FTCDNL1: variants seen among roughly 807,000 people sequenced by gnomAD.
FTCDNL1 encodes the protein formiminotransferase cyclodeaminase N-terminal like.
In FTCDNL1, 11 loss-of-function variants were observed where a neutral mutation model predicts 5.9. The observed-to-expected ratio is 1.87, with a 90% CI of 1.18 to 3.10. The LOEUF (loss-of-function observed/expected upper bound fraction) is 3.10. Among genes scored for constraint, FTCDNL1 ranks in the 30% most tolerant of loss-of-function variants. The pLI, the probability that FTCDNL1 is intolerant of heterozygous loss-of-function variation, is 0.00. For synonymous variants in FTCDNL1, 58 were observed against 24.8 expected (o/e 2.34, Z -3.99); for missense variants, 115 against 65.5 (o/e 1.76, Z -2.61).
chr2:199,773,243 G>C (rs1427906064), intron 3 of FTCDNL1, among the ~76,000 whole-genome samples: 1 of 152,098 alleles, frequency 6.6e-6, no homozygotes, highest in Non-Finnish European at 1.5e-5. Context: ...CTAGCTATCA[G>C]CATATATATC....
Position 199,812,579 on chromosome 2 carries a change from G to C in FTCDNL1, c.*126C>G. 2.1e-6 allele frequency: 1 copy of C among 482,148 alleles called. No individual in the cohort carries two copies. The highest frequency in any genetic ancestry group is 3.7e-6 in the Non-Finnish European group (1 of 271,140). The allele number at this position is 482,148 out of a possible 1,614,324, so 29.9% of individuals were successfully genotyped here. ...CTAAAATTAGAAACCTGATGTGAAA[G>C]TTTGTTTCTCAGTTTGCAGTTTCGC... On this transcript the variant is annotated 3_prime_UTR_variant, in exon 5 of 5. Coordinates refer to ENST00000420128, the MANE Select transcript of FTCDNL1 (RefSeq NM_001363886.2).
the FTCDNL1 span, among the ~76,000 whole-genome samples, chr2:199,677,631 T>C: frequency 1.3e-5 from 2 of 152,142 alleles, no homozygotes; most frequent in Non-Finnish European, 2.9e-5. Context: ...AATAAGGACA[T>C]GAGTAAGACT....
At chr2:199,821,833 A>G (rs1701712708) in intron 3 of FTCDNL1, among the ~76,000 whole-genome samples, 1 of 152,176 alleles carries the variant, frequency 6.6e-6, no homozygotes, top group South Asian at 2.1e-4. Context: ...TAGATACCAT[A>G]AAGCCAAGAA....
chr2:199,697,758 A>C, the FTCDNL1 span, among the ~76,000 whole-genome samples: 1 of 152,262 alleles, frequency 6.6e-6, no homozygotes, highest in Non-Finnish European at 1.5e-5. Flanking sequence ...ACATGATGAC[A>C]GGATCAAATA....
chr2:199,814,353 G>A (rs1285241956), intron 4 of FTCDNL1, among the ~76,000 whole-genome samples: 8 of 152,206 alleles, frequency 5.3e-5, no homozygotes, highest in Admixed American at 2.0e-4. Flanking sequence ...GGGCTAGGAA[G>A]TACTCCCGTG....
chr2:199,758,729 G>A (rs1698155587), downstream of FTCDNL1, among the ~76,000 whole-genome samples: 1 of 152,190 alleles, frequency 6.6e-6, no homozygotes, highest in Non-Finnish European at 1.5e-5. Context: ...CTGAAAGCTT[G>A]TAGGAAATGG....
the FTCDNL1 span, among the ~76,000 whole-genome samples, chr2:199,666,844 G>A: frequency 8.6e-5 from 13 of 151,620 alleles, no homozygotes; most frequent in South Asian, 2.5e-3. Flanking sequence ...CCCAGGAGGC[G>A]AGGTTGCAGT....
chr2:199,665,084 T>C, the FTCDNL1 span, among the ~76,000 whole-genome samples: 2 of 152,232 alleles, frequency 1.3e-5, no homozygotes, highest in African/African-American at 4.8e-5. Flanking sequence ...GATAAGAATA[T>C]TTCTTCTTCC....
the FTCDNL1 span, among the ~76,000 whole-genome samples, chr2:199,668,329 C>A: frequency 6.6e-6 from 1 of 151,810 alleles, no homozygotes; most frequent in African/African-American, 2.4e-5. Flanking sequence ...GAGAATATGC[C>A]CAAAGAGGTT....
At chr2:199,701,906 A>G in the FTCDNL1 span, among the ~76,000 whole-genome samples, 1 of 152,180 alleles carries the variant, frequency 6.6e-6, no homozygotes, top group South Asian at 2.1e-4. Flanking sequence ...GTGATGGTGC[A>G]CACTGGTAAT....
chr2:199,754,718 T>C, the FTCDNL1 span, among the ~76,000 whole-genome samples: 2 of 152,290 alleles, frequency 1.3e-5, no homozygotes, highest in South Asian at 2.1e-4. Context: ...CCTGTGAACG[T>C]TGTTCACAGA....
At chr2:199,834,975 A>T (rs539276930) in intron 3 of FTCDNL1, among the ~76,000 whole-genome samples, 2 of 152,176 alleles carry the variant, frequency 1.3e-5, no homozygotes, top group African/African-American at 2.4e-5. Flanking sequence ...GGAGTTCCAG[A>T]CCAGCCTGGG....
chr2:199,805,229 GA>G (rs2106420195), downstream of FTCDNL1, among the ~76,000 whole-genome samples: 1 of 152,296 alleles, frequency 6.6e-6, no homozygotes, highest in East Asian at 1.9e-4. Context: ...CTCAGTCCAG[GA>G]CCCCATATTG....
chr2:199,759,312 A>T (rs1698181697), downstream of FTCDNL1, among the ~76,000 whole-genome samples: 1 of 151,652 alleles, frequency 6.6e-6, no homozygotes, highest in African/African-American at 2.4e-5. Flanking sequence ...TTTTTTTGTA[A>T]CAAAAATTCA....
At chr2:199,706,105 G>A in the FTCDNL1 span, among the ~76,000 whole-genome samples, 1 of 152,146 alleles carries the variant, frequency 6.6e-6, no homozygotes, top group Non-Finnish European at 1.5e-5. Context: ...TCTTCCTGCT[G>A]ATTAGTGTCC....
the FTCDNL1 span, among the ~76,000 whole-genome samples, chr2:199,676,898 G>A: frequency 9.2e-5 from 14 of 152,082 alleles, no homozygotes; most frequent in Admixed American, 2.0e-4. Flanking sequence ...TAAGCGTCTC[G>A]ACAAAATGTC....
chr2:199,679,626 CT>C, the FTCDNL1 span, among the ~76,000 whole-genome samples: 7,380 of 151,090 alleles, frequency 0.049, 615 homozygotes, highest in African/African-American at 0.17. Flanking sequence ...ACATAGACAT[CT>C]TTTTTTTTAT....
intron 1 of FTCDNL1, among the ~76,000 whole-genome samples, chr2:199,850,228 T>C (rs895772161): frequency 6.6e-6 from 1 of 152,204 alleles, no homozygotes; most frequent in Non-Finnish European, 1.5e-5. Context: ...TTAATAACAT[T>C]GTTGTAATAA....
chr2:199,747,717 C>T, the FTCDNL1 span, among the ~76,000 whole-genome samples: 1 of 152,162 alleles, frequency 6.6e-6, no homozygotes, highest in African/African-American at 2.4e-5. Context: ...GAGAAGTCGT[C>T]TGAACCAGCA....
Sources: gnomAD v4.1 joint callset for allele counts (sites outside exome capture counted in the v4.1 genomes callset) on GRCh38, gnomAD v4.1.1 for gene constraint, MANE v1.5 for transcripts, NCBI Gene and HGNC (gene_info 2026-07-23, HGNC 2026-07-21) for gene names.